Variants in PBX3 observed in about 807,000 individuals in gnomAD.
The protein encoded by PBX3 is pre-B-cell leukemia transcription factor 3.
A neutral mutation model predicts 48.5 loss-of-function variants in PBX3; 14 were observed. The observed-to-expected ratio is 0.29, with a 90% CI of 0.19 to 0.45. PBX3 has a LOEUF of 0.45. Among genes scored for constraint, PBX3 ranks in the 20% least tolerant of loss-of-function variants. The pLI, the probability that PBX3 is intolerant of heterozygous loss-of-function variation, is 1.00. For synonymous variants in PBX3, 210 were observed against 200.3 expected, an observed-to-expected ratio of 1.05 and a Z score of -0.41; for missense variants, 386 against 546.7, an observed-to-expected ratio of 0.71 and a Z score of 2.93.
intron 2 of PBX3, among the ~76,000 whole-genome samples, chr9:125,879,857 G>A (rs1840341268): frequency 6.6e-6 from 1 of 151,996 alleles, no homozygotes. Flanking sequence ...TTCTGGTATA[G>A]CTAAATGATT....
At chr9:125,784,570 C>G (rs1445278989) in intron 2 of PBX3, among the ~76,000 whole-genome samples, 1 of 152,090 alleles carries the variant, frequency 6.6e-6, no homozygotes, top group African/African-American at 2.4e-5. Context: ...TTTGGACTTG[C>G]AAAAATTATT....
intron 2 of PBX3, among the ~76,000 whole-genome samples, chr9:125,771,954 C>A (rs1337879753): frequency 1.3e-5 from 2 of 152,072 alleles, no homozygotes; most frequent in African/African-American, 4.8e-5. Context: ...CCCAGTGTGA[C>A]CTGAGTTCTT....
intron 2 of PBX3, among the ~76,000 whole-genome samples, chr9:125,881,809 C>T (rs1840388239): frequency 6.6e-6 from 1 of 151,870 alleles, no homozygotes; most frequent in Non-Finnish European, 1.5e-5. Context: ...CTTACAAATC[C>T]TTAAGAGCCT....
In PBX3 at chr9:125,965,927, C is replaced by T. The variant is rs775112664; in HGVS notation, c.*4C>T. 6.2e-7 allele frequency: 1 copy of T among 1,607,026 alleles called. No homozygotes were observed. ...GCACTCGGATACCTCTAACTAATCT[C>T]TGGCCACACTTTTCCCTGAGCTACA... On this transcript the variant is annotated 3_prime_UTR_variant, in exon 9 of 9. Coordinates refer to ENST00000373489, the MANE Select transcript of PBX3 (RefSeq NM_006195.6).
intron 8 of PBX3, among the ~76,000 whole-genome samples, chr9:125,963,420 G>A (rs1842471680): frequency 6.6e-6 from 1 of 152,122 alleles, no homozygotes; most frequent in African/African-American, 2.4e-5. Context: ...CTTAGAACCA[G>A]GCAGCGGGAA....
At chr9:125,913,915 A>G (rs1422433450) in intron 2 of PBX3, among the ~76,000 whole-genome samples, 1 of 152,240 alleles carries the variant, frequency 6.6e-6, no homozygotes, top group Admixed American at 6.5e-5. Flanking sequence ...AAAGTGCAGC[A>G]TAAGAGATTG....
chr9:125,769,828 G>A (rs1836896018), intron 2 of PBX3, among the ~76,000 whole-genome samples: 1 of 152,214 alleles, frequency 6.6e-6, no homozygotes, highest in Non-Finnish European at 1.5e-5. Flanking sequence ...GAAGTAGGAC[G>A]AGGAGATTTC....
At chr9:125,833,097 T>C (rs1839012699) in intron 2 of PBX3, among the ~76,000 whole-genome samples, 1 of 152,150 alleles carries the variant, frequency 6.6e-6, no homozygotes, top group South Asian at 2.1e-4. Context: ...TATTCTTGGG[T>C]GCTAATTATT....
At chr9:125,929,365 T>C (rs1208371584) in intron 3 of PBX3, among the ~76,000 whole-genome samples, 3 of 152,214 alleles carry the variant, frequency 2.0e-5, no homozygotes, top group Non-Finnish European at 1.5e-5. Context: ...TATATGGGAA[T>C]TGATAGGGAG....
At chr9:125,926,450 G>A (rs1348444145) in intron 3 of PBX3, among the ~76,000 whole-genome samples, 1 of 152,090 alleles carries the variant, frequency 6.6e-6, no homozygotes, top group Non-Finnish European at 1.5e-5. Flanking sequence ...AACTCAGAAG[G>A]CGGAGGTTGC....
At chr9:125,755,694 T>TTTA (rs1836497706) in intron 2 of PBX3, among the ~76,000 whole-genome samples, 1 of 130,768 alleles carries the variant, frequency 7.6e-6, no homozygotes, top group Non-Finnish European at 1.7e-5. Flanking sequence ...TTTTTTTTTT[T>TTTA]GAGTTTCTCT....
chr9:125,769,869 CTT>C (rs891935522), intron 2 of PBX3, among the ~76,000 whole-genome samples: 7 of 152,102 alleles, frequency 4.6e-5, no homozygotes, highest in African/African-American at 1.7e-4. Context: ...TATTCTGATT[CTT>C]TGACTTTTTT....
chr9:125,939,027 C>A lies in PBX3; in HGVS notation c.843+3420C>A, dbSNP rs577266585. Among the ~76,000 whole-genome samples the A allele has an allele frequency of 9.9e-5, 15 of 151,892 alleles. 1 individual carries two copies. In the South Asian group the frequency reaches 2.9e-3, roughly 30 times the overall value. ...AACACACATACACACACACACACAG[C>A]ATGAGTGCCCACAAAGATAAAACAA... On this transcript the variant is annotated intron_variant, in intron 5 of 8. Transcript: ENST00000373489.
rs367962542 is a variant in PBX3 at position 125,780,416 on chromosome 9, AC to A, written c.274+31803del. ...GGGCGGCTGGCCGGGCGGGGGGCTG[AC>A]CCCCCCCCCACCTCCCTCCCAGACG... On this transcript the variant is annotated intron_variant, in intron 2 of 8. Coordinates refer to ENST00000373489, the MANE Select transcript of PBX3 (RefSeq NM_006195.6). 5.2e-3 allele frequency among the ~76,000 whole-genome samples: 300 copies of A among 57,196 alleles called. 27 individuals are homozygous for A. Among genetic ancestry groups the A allele is most frequent in the African/African-American group, 0.011 (146 of 12,932 alleles). 37.5% of individuals were successfully genotyped at this position (57,196 alleles called of 152,430 possible).
intron 2 of PBX3, among the ~76,000 whole-genome samples, chr9:125,863,644 A>G (rs13299979): frequency 0.5 from 76,425 of 152,056 alleles, 21,301 homozygotes; most frequent in South Asian, 0.63. Context: ...ATGAAATGCT[A>G]TAGTAACAGG....
Position 125,867,752 on chromosome 9 carries a change from C to CTA in PBX3, c.275-47923_275-47922dup, listed in dbSNP as rs938252198. 3.8e-3 allele frequency among the ~76,000 whole-genome samples: 540 copies of CTA among 140,368 alleles called. 1 individual carries two copies. Among genetic ancestry groups the CTA allele is most frequent in the African/African-American group, 0.016 (509 of 31,642 alleles). 92.1% of individuals were successfully genotyped at this position (140,368 alleles called of 152,430 possible). A position where few individuals can be genotyped will look rare whatever the true frequency, so the allele number is the denominator to read the frequency against. On this transcript the variant is annotated intron_variant, in intron 2 of 8. Transcript: ENST00000373489. The stretch of plus-strand genomic sequence containing the variant: ...ATTGTCTTTCTGTCTCTCTCTCTCT[C>CTA]TATATATATATACACACACATATAT...
At chr9:125,927,769 T>C (rs1238217332) in intron 3 of PBX3, among the ~76,000 whole-genome samples, 7 of 152,224 alleles carry the variant, frequency 4.6e-5, no homozygotes, top group Admixed American at 2.0e-4. Flanking sequence ...TTGGATGCAG[T>C]GGCACACACC....
At chr9:125,788,624 G>T (rs1837518113) in intron 2 of PBX3, among the ~76,000 whole-genome samples, 1 of 152,062 alleles carries the variant, frequency 6.6e-6, no homozygotes, top group Admixed American at 6.5e-5. Context: ...TGTAATCCTA[G>T]CACTTTGGGA....
chr9:125,964,037 G>A (rs996100087), intron 8 of PBX3, among the ~76,000 whole-genome samples: 4 of 152,020 alleles, frequency 2.6e-5, no homozygotes, highest in Non-Finnish European at 2.9e-5. Context: ...TTTCATTTAA[G>A]TGTTTTGAAA....
Sources: allele counts gnomAD v4.1 joint callset (sites outside exome capture counted in the v4.1 genomes callset), GRCh38; gene constraint gnomAD v4.1.1; transcripts MANE v1.5; gene names NCBI Gene and HGNC (gene_info 2026-07-23, HGNC 2026-07-21).